Variants in IL6R observed in about 807,000 individuals in gnomAD.
IL6R encodes interleukin 6 receptor.
IL6R carries 38 observed loss-of-function variants against 48.3 expected under a neutral mutation model. The observed-to-expected ratio is 0.79, with a 90% CI of 0.61 to 1.03. The LOEUF is 1.03. IL6R is among the 50% of genes least tolerant of loss of function. The pLI is 0.00. For missense variants in IL6R, 534 were observed against 618.3 expected, an observed-to-expected ratio of 0.86 and a Z score of 1.45; for synonymous variants, 264 against 256.2, an observed-to-expected ratio of 1.03 and a Z score of -0.29.
At chr1:154,444,946 C>A (rs1294079747) in intron 6 of IL6R, 3 of 411,590 alleles carry the variant, frequency 7.3e-6, no homozygotes, top group South Asian at 1.7e-5. Context: ...CCCGCCCCCC[C>A]CAAATGAGGA....
Position 154,405,530 on chromosome 1 carries a change from C to CG in IL6R, c.-100_-99insG. On this transcript the variant is annotated 5_prime_UTR_variant, in exon 1 of 10. Coordinates refer to ENST00000368485, the MANE Select transcript of IL6R (RefSeq NM_000565.4). The surrounding 1 kb of genome is among the most constrained non-coding windows in gnomAD (Gnocchi z 5.2). ...TGCCCCCGGGGCCTGAGCCCGCCTG[C>CG]CCGCCCACCGCCCCGCCCCGCCCCT... The CG allele has an allele frequency of 8.5e-6, 1 of 117,844 alleles. No individual in the cohort carries two copies. Among genetic ancestry groups the CG allele is most frequent in the East Asian group, 2.9e-4 (1 of 3,428 alleles). The allele number at this position is 117,844 out of a possible 1,614,324, so 7.3% of individuals were successfully genotyped here.
At position 154,405,361 on chromosome 1, in the gene IL6R, C is replaced by A; in HGVS notation, c.-269C>A. ...GTTCCTCAAATGTTTTCCTGCGTTG[C>A]CAGGACCGTCCGCCGCTCTGAGTCA... On this transcript the variant is annotated 5_prime_UTR_variant, in exon 1 of 10. Transcript: ENST00000368485. The surrounding 1 kb of genome is among the most constrained non-coding windows in gnomAD (Gnocchi z 5.2). 2.0e-6 allele frequency: 1 copy of A among 488,306 alleles called. No homozygotes were observed. Among genetic ancestry groups the A allele is most frequent in the South Asian group, 2.7e-5 (1 of 36,626 alleles). 30.2% of individuals were successfully genotyped at this position (488,306 alleles called of 1,614,324 possible). A position where few individuals can be genotyped will look rare whatever the true frequency, so the allele number is the denominator to read the frequency against.
intron 1 of IL6R, among the ~76,000 whole-genome samples, chr1:154,421,041 T>C (rs1329483355): frequency 1.3e-5 from 2 of 152,258 alleles, no homozygotes; most frequent in East Asian, 3.9e-4. Context: ...TGCTTCCTTG[T>C]CCTCTCTGCA....
At chr1:154,426,098 CACACACACACATAT>C (rs1193718893) in intron 1 of IL6R, among the ~76,000 whole-genome samples, 79 of 150,712 alleles carry the variant, frequency 5.2e-4, no homozygotes, top group African/African-American at 1.9e-3. Flanking sequence ...CACACACACA[CACACACACACATAT>C]ACACACAAAG....
At chr1:154,437,431 G>A in intron 6 of IL6R, 1 of 267,872 alleles carries the variant, frequency 3.7e-6, no homozygotes. Flanking sequence ...TTTTTTTTTT[G>A]AAGACAGGCT....
intron 1 of IL6R, chr1:154,415,193 G>A (rs1688263790): frequency 1.4e-5 from 10 of 692,516 alleles, no homozygotes; most frequent in South Asian, 3.0e-5. Flanking sequence ...AGCTCAAGGC[G>A]CCGGCTGCAC....
At chr1:154,426,580 A>T (rs1168405058) in intron 1 of IL6R, among the ~76,000 whole-genome samples, 1 of 151,968 alleles carries the variant, frequency 6.6e-6, no homozygotes, top group African/African-American at 2.4e-5. Flanking sequence ...CTATATTCAA[A>T]CCATTTATAT....
chr1:154,447,554 C>CAT (rs1553309724), intron 6 of IL6R, among the ~76,000 whole-genome samples: 4 of 110,716 alleles, frequency 3.6e-5, no homozygotes, highest in African/African-American at 2.3e-4. Context: ...TATACACATA[C>CAT]ACATATATAT....
At chr1:154,450,011 G>A (rs759784340) in intron 8 of IL6R, 31 bp downstream of exon 8, 3 of 1,391,510 alleles carry the variant, frequency 2.2e-6, no homozygotes, top group South Asian at 1.2e-5. Context: ...TATTCCCAGG[G>A]TCCGAGGGAC....
At chr1:154,436,166 T>C in intron 6 of IL6R, 56 bp downstream of exon 6, 1 of 1,535,802 alleles carries the variant, frequency 6.5e-7, no homozygotes, top group East Asian at 2.3e-5. Flanking sequence ...TTGCATCAGG[T>C]ATCCATTGCT....
At chr1:154,461,251 C>A (rs1691245360) in intron 9 of IL6R, among the ~76,000 whole-genome samples, 1 of 152,210 alleles carries the variant, frequency 6.6e-6, no homozygotes, top group Admixed American at 6.5e-5. Flanking sequence ...AGGAGCATGA[C>A]CCTTGAAGCA....
At chr1:154,443,421 T>A (rs1189082352) in intron 6 of IL6R, among the ~76,000 whole-genome samples, 1 of 152,256 alleles carries the variant, frequency 6.6e-6, no homozygotes, top group Non-Finnish European at 1.5e-5. Context: ...CTTATCCATA[T>A]GGCATCCCTG....
At chr1:154,452,535 TA>T (rs1557776961) in intron 8 of IL6R, among the ~76,000 whole-genome samples, 1 of 152,118 alleles carries the variant, frequency 6.6e-6, no homozygotes. Flanking sequence ...ATAATTTTTT[TA>T]AAAAACATTT....
intron 3 of IL6R, 47 bp downstream of exon 3, chr1:154,430,653 C>G (rs760187004): frequency 1.2e-6 from 2 of 1,612,656 alleles, no homozygotes; most frequent in Non-Finnish European, 1.7e-6. Flanking sequence ...CCCTCCTTCC[C>G]GAGGCCCCCC....
intron 7 of IL6R, among the ~76,000 whole-genome samples, chr1:154,448,386 G>A (rs573650228): frequency 3.3e-5 from 5 of 152,348 alleles, no homozygotes; most frequent in East Asian, 3.9e-4. Flanking sequence ...CTGGCCTGGC[G>A]TGCAGAACTG....
intron 6 of IL6R, chr1:154,444,945 C>G (rs530199787): frequency 2.2e-5 from 9 of 411,290 alleles, no homozygotes; most frequent in African/African-American, 4.1e-5. Context: ...ACCCGCCCCC[C>G]CCAAATGAGG....
At position 154,465,173 on chromosome 1, in the gene IL6R, C is replaced by T. The variant is rs978023222; in HGVS notation, c.1200C>T (p.Gly400=). ...KTWKLRALKE[G]KTSMHPPYSL... is the part of the protein sequence containing the mutation. Reference sequence around the variant, plus strand: ...GGAAGCTGCGGGCTCTGAAGGAAGGCAAGACAAGCATGCATCCGCCGTACT... The same window carrying T: ...GGAAGCTGCGGGCTCTGAAGGAAGGTAAGACAAGCATGCATCCGCCGTACT... The change falls in exon 10 of 10, where the codon GGC becomes GGT. Residue 400 remains glycine, a synonymous_variant. Transcript: ENST00000368485. 1 of 1,614,032 alleles carries T rather than the reference C, an allele frequency of 6.2e-7. No homozygotes were observed. The highest frequency in any genetic ancestry group is 1.3e-5 in the African/African-American group (1 of 74,918).
chr1:154,413,883 G>A (rs1688182776), intron 1 of IL6R, among the ~76,000 whole-genome samples: 1 of 150,012 alleles, frequency 6.7e-6, no homozygotes, highest in African/African-American at 2.5e-5. Flanking sequence ...CACCCAGGCT[G>A]GAGTGCAGTG....
intron 9 of IL6R, among the ~76,000 whole-genome samples, chr1:154,455,673 C>G (rs1349087543): frequency 6.6e-6 from 1 of 150,670 alleles, no homozygotes; most frequent in East Asian, 2.0e-4. Context: ...AGGATGGTCT[C>G]GATCTCCTGA....
Sources: gnomAD v4.1 joint callset for allele counts (sites outside exome capture counted in the v4.1 genomes callset) on GRCh38, gnomAD v4.1.1 for gene constraint, Gnocchi (gnomAD v3.1) non-coding constraint, MANE v1.5 for transcripts, NCBI Gene and HGNC (gene_info 2026-07-23, HGNC 2026-07-21) for gene names.